The following KATNB1 variants were observed in gnomAD, a reference collection of about 807,000 sequenced individuals.
KATNB1 encodes katanin regulatory subunit B1.
KATNB1 carries 38 observed loss-of-function variants against 82.3 expected under a neutral mutation model. The observed-to-expected ratio is 0.46, with a 90% CI of 0.36 to 0.61. The LOEUF is 0.61. Ranked by LOEUF, KATNB1 falls within the 20% of genes least tolerant of loss-of-function variation. The probability of loss-of-function intolerance (pLI) is 0.00; values close to 1 mark genes in which losing one functional copy is unlikely to be tolerated. For missense variants in KATNB1, 749 were observed against 915.7 expected (o/e 0.82, Z 2.35); for synonymous variants, 361 against 368.7 (o/e 0.98, Z 0.24).
intron 3 of KATNB1, among the ~76,000 whole-genome samples, chr16:57,743,856 T>C (rs2049161916): frequency 6.6e-6 from 1 of 152,206 alleles, no homozygotes; most frequent in African/African-American, 2.4e-5. Context: ...CAGTGAAAAG[T>C]CTTCCACCCT....
At position 57,741,681 on chromosome 16, in the gene KATNB1, G is replaced by T. The variant is rs782006859; in HGVS notation, c.41-6G>T. ...TGATGGCCTCTCCCTCTCCTTCCCT[G>T]TGTAGAAGAGATCGTCGCGCATGCC... On this transcript the variant is annotated splice_region_variant and splice_polypyrimidine_tract_variant and intron_variant, in intron 2 of 19. Coordinates refer to ENST00000379661, the MANE Select transcript of KATNB1 (RefSeq NM_005886.3). 1.2e-6 allele frequency: 2 copies of T among 1,612,736 alleles called. No individual in the cohort carries two copies. The highest frequency in any genetic ancestry group is 2.2e-5 in the South Asian group (2 of 90,916).
At position 57,754,003 on chromosome 16, in the gene KATNB1, G is replaced by T. The variant is rs375994703; in HGVS notation, c.1228+8G>T. ...CTGCACCCCCAGAGGACGGTGAGTT[G>T]GGTGAGCCTGGTTTCCCAAGGTCTC... On this transcript the variant is annotated splice_region_variant and intron_variant, in intron 13 of 19. Coordinates refer to ENST00000379661, the MANE Select transcript of KATNB1 (RefSeq NM_005886.3). 2.5e-5 allele frequency: 40 copies of T among 1,613,144 alleles called. No individual in the cohort carries two copies. In the East Asian group the frequency reaches 7.4e-4, roughly 30 times the overall value.
intron 19 of KATNB1, 105 bp from the exon 20 acceptor site, chr16:57,756,709 T>C: frequency 6.9e-7 from 1 of 1,438,858 alleles, no homozygotes; most frequent in South Asian, 1.5e-5. Flanking sequence ...GCCTCCGCCT[T>C]CCCTTGGGAG....
In KATNB1 at chr16:57,737,166, G is replaced by A; in HGVS notation, c.-78G>A. 9 of 1,534,158 alleles carry A rather than the reference G, an allele frequency of 5.9e-6. No individual in the cohort carries two copies. Among genetic ancestry groups the A allele is most frequent in the South Asian group, 1.1e-5 (1 of 88,570 alleles). On this transcript the variant is annotated 5_prime_UTR_variant, in exon 2 of 20. Transcript: ENST00000379661. ...CTGCCAACTTGATTGGTGGATCTGG[G>A]GGGGGATCCACCCCCACCCCACGAG...
At chr16:57,756,588 G>C in intron 19 of KATNB1, 116 bp downstream of exon 19, 2 of 1,192,768 alleles carry the variant, frequency 1.7e-6, no homozygotes, top group South Asian at 2.9e-5. Flanking sequence ...CAGAGGAGGC[G>C]TTGGTCTGGG....
In KATNB1 at chr16:57,753,246, C is replaced by T. The variant is rs981917778; in HGVS notation, c.1025C>T (p.Thr342Ile). ...PLRRIYERPS[T>I]TCSKPQRVKQ... ...CGGCGCATCTATGAGCGGCCCAGCA[C>T]AACCTGCAGCAAGCCTCAGAGGTGA... is the stretch of plus-strand genomic sequence containing the variant. Residue 342 changes from threonine to isoleucine, a missense_variant, in exon 11 of 20, where the codon ACA becomes ATA. This residue lies in a region of KATNB1 where 407 missense variants were observed against 434.7 expected (regional missense o/e 0.94). Coordinates refer to ENST00000379661, the MANE Select transcript of KATNB1 (RefSeq NM_005886.3). 19 of 1,600,834 alleles carry T rather than the reference C, an allele frequency of 1.2e-5. No individual in the cohort carries two copies. Among genetic ancestry groups the T allele is most frequent in the Non-Finnish European group, 1.5e-5 (18 of 1,173,534 alleles).
Position 57,751,864 on chromosome 16 carries a change from G to A in KATNB1, c.517-76G>A. 7.0e-7 allele frequency: 1 copy of A among 1,419,710 alleles called. No individual in the cohort carries two copies. Among genetic ancestry groups the A allele is most frequent in the Non-Finnish European group, 9.9e-7 (1 of 1,013,536 alleles). 87.9% of individuals were successfully genotyped at this position (1,419,710 alleles called of 1,614,324 possible). ...GTGGAAGGTAGCTTGTGGATAAAGA[G>A]CTTGGCCTGGATTAGAGGGAGGGTG... On this transcript the variant is annotated intron_variant, in intron 7 of 19. Coordinates refer to ENST00000379661, the MANE Select transcript of KATNB1 (RefSeq NM_005886.3). This position sits in a 1 kb window ranked among gnomAD's most constrained non-coding sequence, Gnocchi z 6.3.
intron 2 of KATNB1, among the ~76,000 whole-genome samples, chr16:57,737,789 A>G (rs1479533365): frequency 2.0e-5 from 3 of 152,274 alleles, no homozygotes; most frequent in Non-Finnish European, 2.9e-5. Context: ...CACTCCCACC[A>G]TTGCCCTATA....
chr16:57,751,792 C>A lies in KATNB1; in HGVS notation c.516+68C>A. On this transcript the variant is annotated intron_variant, in intron 7 of 19. Coordinates refer to ENST00000379661, the MANE Select transcript of KATNB1 (RefSeq NM_005886.3). This position sits in a 1 kb window ranked among gnomAD's most constrained non-coding sequence, Gnocchi z 6.3. ...GTCTGCTGATCACAGCAGGCTGAGT[C>A]CTCACCTCCCTCCTGATCGGGCTCA... The A allele has an allele frequency of 6.7e-7, 1 of 1,484,174 alleles. No homozygotes were observed. Among genetic ancestry groups the A allele is most frequent in the Non-Finnish European group, 9.3e-7 (1 of 1,071,922 alleles). 91.9% of individuals were successfully genotyped at this position (1,484,174 alleles called of 1,614,324 possible).
At chr16:57,756,281 CCTT>C in intron 18 of KATNB1, 72 bp from the exon 19 acceptor site, 1 of 1,369,196 alleles carries the variant, frequency 7.3e-7, no homozygotes, top group Non-Finnish European at 1.0e-6. Context: ...CCCCTCTCCT[CCTT>C]TGTTCCTTGC....
chr16:57,740,734 C>T (rs781793089), intron 2 of KATNB1, among the ~76,000 whole-genome samples: 4 of 152,228 alleles, frequency 2.6e-5, no homozygotes, highest in Non-Finnish European at 5.9e-5. Context: ...TCTCCACGGA[C>T]CAGGCCAGGG....
At chr16:57,739,342 G>A (rs1040200678) in intron 2 of KATNB1, among the ~76,000 whole-genome samples, 1 of 152,172 alleles carries the variant, frequency 6.6e-6, no homozygotes, top group African/African-American at 2.4e-5. Context: ...GATCAGAGGT[G>A]CGTGGCCCAC....
rs782200388 is a variant in KATNB1, at chr16:57,751,761, G to T, written c.516+37G>T. On this transcript the variant is annotated intron_variant, in intron 7 of 19. Transcript: ENST00000379661. This position sits in a 1 kb window ranked among gnomAD's most constrained non-coding sequence, Gnocchi z 6.3. ...CCTGACCTGGGCCCAGGGGCTGGGG[G>T]CTGGGGTCTGCTGATCACAGCAGGC... 1 of 1,584,400 alleles carries T rather than the reference G, an allele frequency of 6.3e-7. No individual in the cohort carries two copies. Among genetic ancestry groups the T allele is most frequent in the South Asian group, 1.1e-5 (1 of 90,588 alleles).
In KATNB1 at chr16:57,755,908, A is replaced by G. The variant is rs1555586025; in HGVS notation, c.1634A>G (p.Asn545Ser). ...GTGGTGGACCTCCTGAACATCGTCA[A>G]CCAGAAAGCGTAAGTGGCTGCAGAG... ...SVVVDLLNIV[N>S]QKASLWKLDL... is the part of the protein sequence containing the mutation. The change falls in exon 17 of 20, where the codon AAC becomes AGC. Residue 545 changes from asparagine to serine, a missense_variant. Coordinates refer to ENST00000379661, the MANE Select transcript of KATNB1 (RefSeq NM_005886.3). 2.5e-6 allele frequency: 4 copies of G among 1,599,510 alleles called. No individual in the cohort carries two copies. The highest frequency in any genetic ancestry group is 1.7e-5 in the Admixed American group (1 of 59,518).
chr16:57,750,882 G>A lies in KATNB1; in HGVS notation c.345G>A (p.Pro115=), dbSNP rs200282791. Residue 115 remains proline (P), a synonymous_variant, in exon 5 of 20, where the codon CCG becomes CCA. Transcript: ENST00000379661. ...ACATCTGCAGCCTGGATTTCCACCC[G>A]TACGGCGAGTTTGTAGCCTCTGGTT... ...KANICSLDFH[P]YGEFVASGSQ... 23 of 1,614,072 alleles carry A rather than the reference G, an allele frequency of 1.4e-5. No homozygotes were observed. Among genetic ancestry groups the A allele is most frequent in the Middle Eastern group, 1.6e-4 (1 of 6,062 alleles).
At position 57,741,681 on chromosome 16, in the gene KATNB1, G is replaced by A. The variant is rs782006859; in HGVS notation, c.41-6G>A. On this transcript the variant is annotated splice_region_variant and splice_polypyrimidine_tract_variant and intron_variant, in intron 2 of 19. Coordinates refer to ENST00000379661, the MANE Select transcript of KATNB1 (RefSeq NM_005886.3). Reference sequence around the variant, plus strand: ...TGATGGCCTCTCCCTCTCCTTCCCTGTGTAGAAGAGATCGTCGCGCATGCC... The same window carrying A: ...TGATGGCCTCTCCCTCTCCTTCCCTATGTAGAAGAGATCGTCGCGCATGCC... The A allele has an allele frequency of 1.2e-6, 2 of 1,612,618 alleles. No homozygotes were observed. Among genetic ancestry groups the A allele is most frequent in the Non-Finnish European group, 8.5e-7 (1 of 1,179,320 alleles).
chr16:57,735,864 G>C lies in KATNB1; in HGVS notation c.-267+9G>C, dbSNP rs1420240800. 6.5e-6 allele frequency: 1 copy of C among 152,750 alleles called. No individual in the cohort carries two copies. Among genetic ancestry groups the C allele is most frequent in the Non-Finnish European group, 1.5e-5 (1 of 68,444 alleles). 9.5% of individuals were successfully genotyped at this position (152,750 alleles called of 1,614,324 possible). A position where few individuals can be genotyped will look rare whatever the true frequency, so the allele number is the denominator to read the frequency against. On this transcript the variant is annotated intron_variant, in intron 1 of 19. Coordinates refer to ENST00000379661, the MANE Select transcript of KATNB1 (RefSeq NM_005886.3). The stretch of plus-strand genomic sequence containing the variant: ...CGGAGCCGCAGCTGCAGGTGGAGTG[G>C]GCAAGGGGACGAGGTGGCGAGGGGA...
chr16:57,742,147 A>G (rs2049148689), intron 3 of KATNB1, among the ~76,000 whole-genome samples: 1 of 152,180 alleles, frequency 6.6e-6, no homozygotes. Context: ...CCTGTGGTTG[A>G]GCCAAAAGAC....
rs1555584326 is a variant in KATNB1, at chr16:57,753,389, G to A, written c.1047G>A (p.Arg349=). The change falls in exon 12 of 20, where the codon AGG becomes AGA. Residue 349 remains arginine (R), a splice_region_variant and synonymous_variant. Transcript: ENST00000379661. ...GTTGGGCTTGGCCTCACGCTCCCAG[G>A]GTGAAGCAGAACTCAGAGAGCGAGC... The part of the protein sequence containing the change: ...RPSTTCSKPQ[R]VKQNSESERR... 1 of 1,611,918 alleles carries A rather than the reference G, an allele frequency of 6.2e-7. No individual in the cohort carries two copies. Among genetic ancestry groups the A allele is most frequent in the Admixed American group, 1.7e-5 (1 of 59,908 alleles).
Sources: gnomAD v4.1 joint callset for allele counts (sites outside exome capture counted in the v4.1 genomes callset) on GRCh38, gnomAD v4.1.1 for gene constraint, gnomAD v4.1.1 regional missense constraint, Gnocchi (gnomAD v3.1) non-coding constraint, MANE v1.5 for transcripts, NCBI Gene and HGNC (gene_info 2026-07-23, HGNC 2026-07-21) for gene names.